REEP1: variants seen among roughly 807,000 people sequenced by gnomAD.
REEP1 encodes receptor accessory protein 1.
A neutral mutation model predicts 40.3 loss-of-function variants in REEP1; 22 were observed. That is an observed-to-expected ratio of 0.55 (90% CI 0.39 to 0.78). REEP1 has a LOEUF of 0.78. REEP1 is among the 30% of genes least tolerant of loss of function. The pLI is 0.00. For missense variants in REEP1, 280 were observed against 361.1 expected, an observed-to-expected ratio of 0.78 and a Z score of 1.82; for synonymous variants, 116 against 139.2, an observed-to-expected ratio of 0.83 and a Z score of 1.17.
chr2:86,290,226 G>C (rs1034565088), intron 1 of REEP1, among the ~76,000 whole-genome samples: 3 of 152,022 alleles, frequency 2.0e-5, no homozygotes, highest in Non-Finnish European at 4.4e-5. Context: ...ACACTCTTCT[G>C]AAAAAGGGAA....
At chr2:86,315,519 T>A (rs1679954228) in intron 1 of REEP1, among the ~76,000 whole-genome samples, 1 of 152,212 alleles carries the variant, frequency 6.6e-6, no homozygotes, top group Non-Finnish European at 1.5e-5. Context: ...TTTCCCTCAG[T>A]GGTGACCCAC....
At chr2:86,262,047 C>A (rs1028347721) in intron 3 of REEP1, among the ~76,000 whole-genome samples, 1 of 152,184 alleles carries the variant, frequency 6.6e-6, no homozygotes, top group African/African-American at 2.4e-5. Context: ...TATTGTCTTG[C>A]GACCCTGACA....
chr2:86,218,345 T>C (rs924444166), intron 8 of REEP1, among the ~76,000 whole-genome samples: 8 of 152,200 alleles, frequency 5.3e-5, no homozygotes, highest in African/African-American at 1.9e-4. Context: ...GGCAGGCCCA[T>C]GTCGCATTCA....
At chr2:86,227,499 T>G in intron 6 of REEP1, 101 bp from the exon 7 acceptor site, 1 of 964,372 alleles carries the variant, frequency 1.0e-6, no homozygotes, top group Non-Finnish European at 1.3e-6. Flanking sequence ...GGGATCCCAG[T>G]GTGTACAATA....
chr2:86,294,199 T>C (rs1351757809), intron 1 of REEP1, among the ~76,000 whole-genome samples: 1 of 152,198 alleles, frequency 6.6e-6, no homozygotes, highest in African/African-American at 2.4e-5. Flanking sequence ...TTTTGCAAGA[T>C]GGAAGCTTCT....
At position 86,237,481 on chromosome 2, in the gene REEP1, C is replaced by T. The variant is rs1215727978; in HGVS notation, c.418-4679G>A. ...ATCTTAACCACTTATTGTGCTAATG[C>T]GTTCCTTTTTATTTTCTTTCTCTCT... On this transcript the variant is annotated intron_variant, in intron 5 of 8. Coordinates refer to ENST00000538924, the MANE Select transcript of REEP1 (RefSeq NM_001371279.1). Among the ~76,000 whole-genome samples, 4 of 152,098 alleles carry T rather than the reference C, an allele frequency of 2.6e-5. 1 individual carries two copies. In the South Asian group the frequency reaches 8.3e-4, roughly 32 times the overall value.
rs540038797 is a variant in REEP1, at chr2:86,319,882, C to A, written c.32+17597G>T. Among the ~76,000 whole-genome samples, 11 of 152,244 alleles carry A rather than the reference C, an allele frequency of 7.2e-5. No individual in the cohort carries two copies. The South Asian group carries it at 2.3e-3, about 32-fold the overall frequency. ...ACAATGGAGGCAGAGATTAAAGTGA[C>A]GCATTTACAAGCCAAAGAAGGGCGA... On this transcript the variant is annotated intron_variant, in intron 1 of 8. Coordinates refer to ENST00000538924, the MANE Select transcript of REEP1 (RefSeq NM_001371279.1).
chr2:86,233,647 AG>A (rs1675146300), intron 5 of REEP1, among the ~76,000 whole-genome samples: 2 of 152,142 alleles, frequency 1.3e-5, no homozygotes, highest in Non-Finnish European at 2.9e-5. Flanking sequence ...AGTGTGCCTC[AG>A]GGGCTGCAGA....
At chr2:86,327,239 T>C (rs1237021344) in intron 1 of REEP1, among the ~76,000 whole-genome samples, 1 of 152,222 alleles carries the variant, frequency 6.6e-6, no homozygotes, top group Non-Finnish European at 1.5e-5. Context: ...TGCTGTTTTC[T>C]TATATTTTCA....
At chr2:86,276,777 G>A (rs908240425) in intron 2 of REEP1, among the ~76,000 whole-genome samples, 2 of 151,602 alleles carry the variant, frequency 1.3e-5, no homozygotes, top group Non-Finnish European at 2.9e-5. Flanking sequence ...CAATCAAAGT[G>A]AGGTCCGTGG....
chr2:86,281,576 C>T (rs755083649), intron 2 of REEP1, among the ~76,000 whole-genome samples: 5 of 152,074 alleles, frequency 3.3e-5, no homozygotes, highest in African/African-American at 9.7e-5. Flanking sequence ...TGCAGTGAGC[C>T]GAGGTTGTGC....
At chr2:86,255,687 T>C (rs1011919497) in intron 3 of REEP1, among the ~76,000 whole-genome samples, 2 of 152,090 alleles carry the variant, frequency 1.3e-5, no homozygotes, top group Admixed American at 6.5e-5. Context: ...GAACTAAGGG[T>C]CCAGTCAGGG....
At position 86,216,004 on chromosome 2, in the gene REEP1, C is replaced by T. The variant is rs1471927258; in HGVS notation, c.*1035G>A. On this transcript the variant is annotated 3_prime_UTR_variant, in exon 9 of 9. Coordinates refer to ENST00000538924, the MANE Select transcript of REEP1 (RefSeq NM_001371279.1). ...ATGGCATATCTGAAACAGCAGAGTT[C>T]TCAGTTTTTTGTGTGTTTGTTTTTG... 1 of 152,156 alleles carries T rather than the reference C, an allele frequency of 6.6e-6. No homozygotes were observed. Among genetic ancestry groups the T allele is most frequent in the Non-Finnish European group, 1.5e-5 (1 of 68,038 alleles). The allele number at this position is 152,156 out of a possible 1,614,324, so 9.4% of individuals were successfully genotyped here. A position where few individuals can be genotyped will look rare whatever the true frequency, so the allele number is the denominator to read the frequency against.
At chr2:86,275,153 A>T (rs1677687334) in intron 2 of REEP1, among the ~76,000 whole-genome samples, 1 of 152,056 alleles carries the variant, frequency 6.6e-6, no homozygotes, top group African/African-American at 2.4e-5. Context: ...GAAAGAAAAA[A>T]TTCAAGCCTG....
chr2:86,223,434 A>T (rs1169376794), intron 7 of REEP1: 1 of 152,376 alleles, frequency 6.6e-6, no homozygotes, highest in Non-Finnish European at 1.5e-5. Flanking sequence ...TAGCGGGAGC[A>T]TTAATGGAAG....
intron 7 of REEP1, among the ~76,000 whole-genome samples, chr2:86,226,632 CTT>C (rs377324951): frequency 1.4e-4 from 20 of 139,366 alleles, no homozygotes; most frequent in Admixed American, 1.4e-4. Flanking sequence ...GCACACCTGG[CTT>C]TTTTTTTTTT....
intron 3 of REEP1, among the ~76,000 whole-genome samples, chr2:86,259,033 C>T (rs1333999497): frequency 2.6e-5 from 4 of 152,200 alleles, no homozygotes; most frequent in Non-Finnish European, 5.9e-5. Context: ...CCAGGCCAGG[C>T]ACGGTGGCTC....
chr2:86,270,788 C>T (rs925689338), intron 2 of REEP1, among the ~76,000 whole-genome samples: 1 of 151,924 alleles, frequency 6.6e-6, no homozygotes, highest in African/African-American at 2.4e-5. Context: ...ATGTGTTGGA[C>T]TGCATCAGGC....
chr2:86,223,932 T>C (rs1334114025), intron 7 of REEP1: 2 of 151,130 alleles, frequency 1.3e-5, no homozygotes, highest in African/African-American at 4.9e-5. Flanking sequence ...GAGATAATAA[T>C]AGACACACAG....
Sources: gnomAD v4.1 joint callset for allele counts (sites outside exome capture counted in the v4.1 genomes callset) on GRCh38, gnomAD v4.1.1 for gene constraint, MANE v1.5 for transcripts, NCBI Gene and HGNC (gene_info 2026-07-23, HGNC 2026-07-21) for gene names.